ITGA1: variants seen among roughly 807,000 people sequenced by gnomAD.
ITGA1 encodes integrin subunit alpha 1.
In ITGA1, 85 loss-of-function variants were observed where a neutral mutation model predicts 145.9. That is an observed-to-expected ratio of 0.58 (90% CI 0.49 to 0.70). ITGA1 has a LOEUF of 0.70. Among genes scored for constraint, ITGA1 ranks in the 30% least tolerant of loss-of-function variants. The pLI, the probability that ITGA1 is intolerant of heterozygous loss-of-function variation, is 0.00. For synonymous variants in ITGA1, 520 were observed against 495.3 expected (o/e 1.05, Z -0.66); for missense variants, 1,351 against 1,418.7 (o/e 0.95, Z 0.77).
At chr5:52,805,204 TA>T (rs898415202) in intron 1 of ITGA1, among the ~76,000 whole-genome samples, 17 of 152,248 alleles carry the variant, frequency 1.1e-4, no homozygotes, top group African/African-American at 4.1e-4. Flanking sequence ...GGAAGTGTGC[TA>T]ATCACCTAAG....
chr5:52,909,404 G>A (rs188478413), intron 13 of ITGA1, among the ~76,000 whole-genome samples: 1 of 152,186 alleles, frequency 6.6e-6, no homozygotes, highest in East Asian at 1.9e-4. Flanking sequence ...CGGATAGGGT[G>A]GAGGGGGAGA....
intron 8 of ITGA1, among the ~76,000 whole-genome samples, chr5:52,893,076 T>C (rs1561239986): frequency 6.6e-6 from 1 of 152,136 alleles, no homozygotes; most frequent in Non-Finnish European, 1.5e-5. Flanking sequence ...CAATCATATA[T>C]AACTCCTGCT....
At chr5:52,909,303 C>T (rs1750461415) in intron 13 of ITGA1, among the ~76,000 whole-genome samples, 1 of 152,014 alleles carries the variant, frequency 6.6e-6, no homozygotes, top group Non-Finnish European at 1.5e-5. Context: ...ATAAATCTCA[C>T]TAAACTGCTA....
intron 1 of ITGA1, among the ~76,000 whole-genome samples, chr5:52,810,350 T>C (rs372832563): frequency 2.6e-5 from 4 of 152,254 alleles, no homozygotes; most frequent in East Asian, 3.8e-4. Context: ...CCGGGGTCTT[T>C]TCTATTTTTA....
intron 11 of ITGA1, chr5:52,905,347 G>A (rs79321745): frequency 6.5e-6 from 1 of 152,676 alleles, no homozygotes; most frequent in East Asian, 1.9e-4. Flanking sequence ...AATTTTAAAA[G>A]CTAGTAGCAG....
intron 6 of ITGA1, among the ~76,000 whole-genome samples, chr5:52,871,156 G>A (rs1372966964): frequency 6.6e-6 from 1 of 152,146 alleles, no homozygotes; most frequent in African/African-American, 2.4e-5. Flanking sequence ...AACTACAAAT[G>A]CGCTTTGATG....
intron 11 of ITGA1, among the ~76,000 whole-genome samples, chr5:52,901,272 G>A (rs946149947): frequency 3.2e-4 from 49 of 152,228 alleles, no homozygotes; most frequent in African/African-American, 1.0e-3. Flanking sequence ...CAAGAAAACC[G>A]ATTCTCCTTG....
At chr5:52,838,771 A>G (rs1020402521) in intron 1 of ITGA1, among the ~76,000 whole-genome samples, 11 of 152,200 alleles carry the variant, frequency 7.2e-5, no homozygotes, top group Admixed American at 5.9e-4. Flanking sequence ...TAGATAACTT[A>G]AAATGCCAGT....
At chr5:52,812,917 G>A (rs1174389245) in intron 1 of ITGA1, among the ~76,000 whole-genome samples, 1 of 129,842 alleles carries the variant, frequency 7.7e-6, no homozygotes, top group Non-Finnish European at 1.6e-5. Flanking sequence ...TACCAAAGCT[G>A]TCTGTCAGAG....
At position 52,933,895 on chromosome 5, in the gene ITGA1, T is replaced by C. The variant is rs1192724971; in HGVS notation, c.2863T>C (p.Ser955Pro). Residue 955 changes from serine to proline, a missense_variant and splice_region_variant, in exon 23 of 29, where the codon TCT (serine) becomes CCT (proline). By Grantham distance (74) the Ser-to-Pro change is moderately conservative. Coordinates refer to ENST00000282588, the MANE Select transcript of ITGA1 (RefSeq NM_181501.2). ...TTTTCTTCTAATTAATTTTTTAAGC[T>C]CTGCAAGTGAATACCACATTTCAAT... ...KYEVGLQFYS[S>P]ASEYHISIAA... 5.5e-6 allele frequency: 8 copies of C among 1,450,538 alleles called. No individual in the cohort carries two copies. In the Middle Eastern group the frequency reaches 5.3e-4, roughly 97 times the overall value. The allele number at this position is 1,450,538 out of a possible 1,614,324, so 89.9% of individuals were successfully genotyped here. A position where few individuals can be genotyped will look rare whatever the true frequency, so the allele number is the denominator to read the frequency against.
intron 8 of ITGA1, among the ~76,000 whole-genome samples, chr5:52,892,654 C>A (rs887612908): frequency 6.6e-6 from 1 of 152,108 alleles, no homozygotes; most frequent in African/African-American, 2.4e-5. Flanking sequence ...TGCTACTCTG[C>A]AATAGAAAGG....
At chr5:52,896,763 T>C (rs1345940388) in intron 9 of ITGA1, among the ~76,000 whole-genome samples, 2 of 152,130 alleles carry the variant, frequency 1.3e-5, no homozygotes, top group African/African-American at 4.8e-5. Flanking sequence ...CATGGAATGC[T>C]CTGAATTATC....
rs890815454 is a variant in ITGA1, at chr5:52,838,072, G to A, written c.62-11293G>A. On this transcript the variant is annotated intron_variant, in intron 1 of 28. Coordinates refer to ENST00000282588, the MANE Select transcript of ITGA1 (RefSeq NM_181501.2). ...GTGAATAACAAGTTACATTCGTTTGGCTTATTTTCTCTTCATAAAATGGAC... is the reference window on the plus strand; with the variant it reads ...GTGAATAACAAGTTACATTCGTTTGACTTATTTTCTCTTCATAAAATGGAC... Among the ~76,000 whole-genome samples, 5 of 152,180 alleles carry A rather than the reference G, an allele frequency of 3.3e-5. No individual in the cohort carries two copies. In the East Asian group the frequency reaches 9.7e-4, roughly 29 times the overall value.
rs770686097 is a variant in ITGA1 at position 52,920,312 on chromosome 5, A to AT, written c.2156-14dup. ...CTTCAAATAAACATTTCCATCAATT[A>AT]TTTTTTAAAATTTTTGTAGATTTGC... is the stretch of plus-strand genomic sequence containing the variant. On this transcript the variant is annotated intron_variant, in intron 16 of 28. Transcript: ENST00000282588. 17 of 1,555,700 alleles carry AT rather than the reference A, an allele frequency of 1.1e-5. No individual in the cohort carries two copies. Among genetic ancestry groups the AT allele is most frequent in the South Asian group, 4.8e-5 (4 of 83,732 alleles).
intron 1 of ITGA1, among the ~76,000 whole-genome samples, chr5:52,835,059 T>C (rs1037826167): frequency 1.3e-5 from 2 of 152,174 alleles, no homozygotes; most frequent in African/African-American, 4.8e-5. Flanking sequence ...GGATATCCCA[T>C]ACAATACTTC....
chr5:52,934,793 C>T (rs538068893), intron 23 of ITGA1, among the ~76,000 whole-genome samples: 4 of 151,948 alleles, frequency 2.6e-5, no homozygotes, highest in African/African-American at 9.6e-5. Context: ...TTGGGAATTG[C>T]CAACCACAAA....
chr5:52,900,534 T>C (rs1750297845), intron 11 of ITGA1, among the ~76,000 whole-genome samples: 1 of 152,120 alleles, frequency 6.6e-6, no homozygotes, highest in Non-Finnish European at 1.5e-5. Context: ...TGCCCGAAAA[T>C]ATGCAGGTAG....
chr5:52,820,330 A>G (rs1748855794), intron 1 of ITGA1, among the ~76,000 whole-genome samples: 1 of 127,316 alleles, frequency 7.9e-6, no homozygotes. Context: ...CAATGAGAAC[A>G]CTTGGACACA....
At position 52,955,958 on chromosome 5, in the gene ITGA1, T is replaced by TAC. The variant is rs1491017224; in HGVS notation, c.*3511_*3512dup. On this transcript the variant is annotated 3_prime_UTR_variant, in exon 29 of 29. Transcript: ENST00000282588. ...ATATACATATATATATATATATATA[T>TAC]ACACATACACTCACATGCAGATATT... is the stretch of plus-strand genomic sequence containing the variant. The TAC allele has an allele frequency of 2.1e-5, 3 of 140,992 alleles. No individual in the cohort carries two copies. Among genetic ancestry groups the TAC allele is most frequent in the East Asian group, 2.0e-4 (1 of 4,882 alleles). 8.7% of individuals were successfully genotyped at this position (140,992 alleles called of 1,614,324 possible).
Sources: allele counts gnomAD v4.1 joint callset (sites outside exome capture counted in the v4.1 genomes callset), GRCh38; gene constraint gnomAD v4.1.1; transcripts MANE v1.5; gene names NCBI Gene and HGNC (gene_info 2026-07-23, HGNC 2026-07-21).